KIF2C: variants seen among roughly 807,000 people sequenced by gnomAD.
KIF2C encodes the protein kinesin family member 2C, also known as kinesin-like protein KIF2C.
KIF2C carries 34 observed loss-of-function variants against 97.4 expected under a neutral mutation model. That is an observed-to-expected ratio of 0.35 (90% CI 0.27 to 0.46). The LOEUF (loss-of-function observed/expected upper bound fraction) is 0.46, where lower values mean the gene tolerates loss of function less well. KIF2C is among the 20% of genes least tolerant of loss of function. The pLI is 1.00. For synonymous variants in KIF2C, 313 were observed against 318.2 expected (o/e 0.98, Z 0.17); for missense variants, 750 against 907.6 (o/e 0.83, Z 2.23).
chr1:44,760,131 C>G lies in KIF2C; in HGVS notation c.1368-149C>G. On this transcript the variant is annotated intron_variant, in intron 14 of 20. Transcript: ENST00000372224. The surrounding 1 kb of genome is among the most constrained non-coding windows in gnomAD (Gnocchi z 4.2). ...TCCAGAGCTGGAGGGAGAATTGCTA[C>G]CCAGGGAGGGCAAGATGGAAGCCTG... 1.5e-6 allele frequency: 1 copy of G among 667,764 alleles called. No individual in the cohort carries two copies. The highest frequency in any genetic ancestry group is 2.6e-6 in the Non-Finnish European group (1 of 388,194). The allele number at this position is 667,764 out of a possible 1,614,324, so 41.4% of individuals were successfully genotyped here. A position where few individuals can be genotyped will look rare whatever the true frequency, so the allele number is the denominator to read the frequency against.
intron 2 of KIF2C, chr1:44,746,532 A>G: frequency 1.5e-6 from 2 of 1,328,070 alleles, no homozygotes; most frequent in South Asian, 2.1e-5. Context: ...GACTCTCACC[A>G]GACAGTTAGA....
chr1:44,762,864 T>C (rs1210541709), intron 19 of KIF2C, among the ~76,000 whole-genome samples: 2 of 152,190 alleles, frequency 1.3e-5, no homozygotes, highest in Non-Finnish European at 2.9e-5. Context: ...TTGGCACACA[T>C]AGGCTTTCTG....
intron 16 of KIF2C, among the ~76,000 whole-genome samples, chr1:44,761,668 G>A (rs1650154156): frequency 6.6e-6 from 1 of 152,088 alleles, no homozygotes; most frequent in South Asian, 2.1e-4. Context: ...CTCAGTGAAG[G>A]AATAATGAAG....
chr1:44,751,727 C>T (rs543107609), intron 5 of KIF2C, among the ~76,000 whole-genome samples: 4 of 149,556 alleles, frequency 2.7e-5, no homozygotes, highest in South Asian at 2.1e-4. Context: ...AGGCTGGTCT[C>T]GAACTCCTGA....
chr1:44,743,482 T>C (rs1054964347), intron 2 of KIF2C, among the ~76,000 whole-genome samples: 1 of 152,186 alleles, frequency 6.6e-6, no homozygotes, highest in African/African-American at 2.4e-5. Context: ...TCTTGGACTC[T>C]CTTCCATGGA....
At chr1:44,750,643 GA>G in intron 5 of KIF2C, 79 bp downstream of exon 5, 4 of 1,339,424 alleles carry the variant, frequency 3.0e-6, no homozygotes, top group Non-Finnish European at 3.9e-6. Flanking sequence ...AGAATATCCT[GA>G]GATTCATCCA....
intron 2 of KIF2C, among the ~76,000 whole-genome samples, chr1:44,741,996 C>CAAAAAA (rs397980058): frequency 2.5e-4 from 17 of 67,694 alleles, no homozygotes; most frequent in African/African-American, 3.9e-4. Context: ...GGACTTGTCT[C>CAAAAAA]AAAAAAAAAA....
In KIF2C at chr1:44,766,709, T is replaced by A. The variant is rs991347337; in HGVS notation, c.1972-117T>A. 4 of 1,082,048 alleles carry A rather than the reference T, an allele frequency of 3.7e-6. No homozygotes were observed. In the African/African-American group the frequency reaches 6.3e-5, roughly 17 times the overall value. The allele number at this position is 1,082,048 out of a possible 1,614,324, so 67.0% of individuals were successfully genotyped here. ...GGGGAGAGGGTGAACAGCCAGGGTA[T>A]GGGTCAGGGACCAGAGGTAAAGCAT... On this transcript the variant is annotated intron_variant, in intron 19 of 20. Coordinates refer to ENST00000372224, the MANE Select transcript of KIF2C (RefSeq NM_006845.4).
At position 44,762,009 on chromosome 1, in the gene KIF2C, A is replaced by C. The variant is rs141778670; in HGVS notation, c.1751+26A>C. On this transcript the variant is annotated intron_variant, in intron 17 of 20. Coordinates refer to ENST00000372224, the MANE Select transcript of KIF2C (RefSeq NM_006845.4). ...GTACTAGTACCTACAGCTAGGTGGG[A>C]TGCGGAACAGGACTGGGCAAGGGAA... The C allele has an allele frequency of 5.6e-4, 902 of 1,603,440 alleles. 19 individuals carry two copies. In the East Asian group the frequency reaches 0.017, roughly 31 times the overall value.
At chr1:44,765,564 G>A (rs1355037496) in intron 19 of KIF2C, among the ~76,000 whole-genome samples, 2 of 152,312 alleles carry the variant, frequency 1.3e-5, no homozygotes, top group East Asian at 3.9e-4. Context: ...GCTGGGCGCG[G>A]TGGCTTATGC....
Position 44,758,061 on chromosome 1 carries a change from T to A in KIF2C, c.1145T>A (p.Phe382Tyr). ...GIYAMASRDV[F>Y]LLKNQPCYRK... ...TTCTCTCCCTCAGCCCGGGACGTCT[T>A]CCTCCTGAAGAATCAACCCTGCTAC... Residue 382 changes from phenylalanine (F) to tyrosine (Y), a missense_variant, in exon 13 of 21, where the codon TTC becomes TAC. By Grantham distance (22) the Phe-to-Tyr change is conservative. Coordinates refer to ENST00000372224, the MANE Select transcript of KIF2C (RefSeq NM_006845.4). 1.2e-6 allele frequency: 2 copies of A among 1,614,144 alleles called. No individual in the cohort carries two copies. The highest frequency in any genetic ancestry group is 1.7e-6 in the Non-Finnish European group (2 of 1,180,016).
intron 4 of KIF2C, among the ~76,000 whole-genome samples, chr1:44,749,739 C>CA (rs1236831077): frequency 1.3e-5 from 2 of 152,074 alleles, no homozygotes; most frequent in Non-Finnish European, 2.9e-5. Context: ...GAGCCAAGAT[C>CA]ATGCCACTGC....
chr1:44,759,231 C>T lies in KIF2C; in HGVS notation c.1250C>T (p.Ala417Val). The change falls in exon 14 of 21, where the codon GCC becomes GTC. Residue 417 changes from alanine (A) to valine (V), a missense_variant. Transcript: ENST00000372224. ...GKLFDLLNKK[A>V]KLRVLEDGKQ... ...CTGTTTGACCTGCTCAACAAGAAGG[C>T]CAAGCTGCGCGTGCTGGAGGACGGC... 6.2e-7 allele frequency: 1 copy of T among 1,614,140 alleles called. No individual in the cohort carries two copies. Among genetic ancestry groups the T allele is most frequent in the Non-Finnish European group, 8.5e-7 (1 of 1,180,034 alleles).
intron 2 of KIF2C, among the ~76,000 whole-genome samples, chr1:44,741,385 A>T (rs1196415437): frequency 6.6e-6 from 1 of 151,712 alleles, no homozygotes; most frequent in Non-Finnish European, 1.5e-5. Context: ...GTCTCAAAAA[A>T]AAAAAAAAAA....
At chr1:44,743,948 A>G (rs1649053084) in intron 2 of KIF2C, among the ~76,000 whole-genome samples, 3 of 152,208 alleles carry the variant, frequency 2.0e-5, no homozygotes, top group Admixed American at 1.3e-4. Context: ...ACCAGCTATT[A>G]TCAGTCTTTT....
Position 44,760,914 on chromosome 1 carries a change from G to T in KIF2C, c.1683+212G>T, listed in dbSNP as rs940085066. Reference sequence around the variant, plus strand: ...GGAGGAAAGGATCTATTCCCTTTAAGATGTGTAGGTGCAGCTCTTGGTTTG... The same window carrying T: ...GGAGGAAAGGATCTATTCCCTTTAATATGTGTAGGTGCAGCTCTTGGTTTG... On this transcript the variant is annotated intron_variant, in intron 16 of 20. Coordinates refer to ENST00000372224, the MANE Select transcript of KIF2C (RefSeq NM_006845.4). This position sits in a 1 kb window ranked among gnomAD's most constrained non-coding sequence, Gnocchi z 4.2. 18 of 548,918 alleles carry T rather than the reference G, an allele frequency of 3.3e-5. No homozygotes were observed. In the Admixed American group the frequency reaches 5.6e-4, roughly 17 times the overall value. 34.0% of individuals were successfully genotyped at this position (548,918 alleles called of 1,614,324 possible).
At chr1:44,764,146 C>A (rs919772622) in intron 19 of KIF2C, among the ~76,000 whole-genome samples, 3 of 152,036 alleles carry the variant, frequency 2.0e-5, no homozygotes, top group Admixed American at 1.3e-4. Context: ...GAAAATCTTA[C>A]AAGGTACCCC....
At position 44,755,424 on chromosome 1, in the gene KIF2C, C is replaced by T. The variant is rs148936712; in HGVS notation, c.760-505C>T. On this transcript the variant is annotated intron_variant, in intron 8 of 20. Transcript: ENST00000372224. The stretch of plus-strand genomic sequence containing the variant: ...GGGATTACAGGCATGTGCCACCACG[C>T]CTAGGTAATTTTTGTATTTTTAGTA... Among the ~76,000 whole-genome samples, 907 of 152,312 alleles carry T rather than the reference C, an allele frequency of 6.0e-3. 11 individuals are homozygous for T. The highest frequency in any genetic ancestry group is 0.021 in the African/African-American group (866 of 41,558).
chr1:44,756,452 C>T (rs574909838), intron 10 of KIF2C, among the ~76,000 whole-genome samples: 1 of 151,890 alleles, frequency 6.6e-6, no homozygotes, highest in African/African-American at 2.4e-5. Context: ...GCAGGGCTGG[C>T]CAGGCTCCAG....
Sources: gnomAD v4.1 joint callset for allele counts (sites outside exome capture counted in the v4.1 genomes callset) on GRCh38, gnomAD v4.1.1 for gene constraint, Gnocchi (gnomAD v3.1) non-coding constraint, MANE v1.5 for transcripts, NCBI Gene and HGNC (gene_info 2026-07-23, HGNC 2026-07-21) for gene names.